The following WDR26 variants were observed in gnomAD, a reference collection of about 807,000 sequenced individuals.
The protein encoded by WDR26 is WD repeat domain 26.
A neutral mutation model predicts 84.1 loss-of-function variants in WDR26; 5 were observed. The observed-to-expected ratio is 0.06, with a 90% CI of 0.03 to 0.13. The LOEUF (loss-of-function observed/expected upper bound fraction) is 0.13, where lower values mean the gene tolerates loss of function less well. WDR26 is among the 10% of genes least tolerant of loss of function. The pLI, the probability that WDR26 is intolerant of heterozygous loss-of-function variation, is 1.00. For synonymous variants in WDR26, 415 were observed against 389.6 expected (o/e 1.07, Z -0.77); for missense variants, 642 against 974.9 (o/e 0.66, Z 4.55).
intron 13 of WDR26, among the ~76,000 whole-genome samples, chr1:224,390,358 A>T (rs899646221): frequency 5.9e-5 from 9 of 152,296 alleles, no homozygotes; most frequent in African/African-American, 1.7e-4. Flanking sequence ...GAGCTCAAGC[A>T]ATCTGCCTGC....
At chr1:224,407,146 AAAAAAATATAT>A (rs1673594135) in intron 7 of WDR26, among the ~76,000 whole-genome samples, 1 of 65,478 alleles carries the variant, frequency 1.5e-5, no homozygotes, top group Admixed American at 1.8e-4. Flanking sequence ...AAAAAAAAAA[AAAAAAATATAT>A]ATATATATAT....
At chr1:224,423,316 T>C (rs1196756682) in intron 4 of WDR26, among the ~76,000 whole-genome samples, 1 of 152,234 alleles carries the variant, frequency 6.6e-6, no homozygotes, top group East Asian at 1.9e-4. Flanking sequence ...TGTCCTATTC[T>C]TGATCACAAG....
At chr1:224,420,852 C>T (rs1349614111) in intron 4 of WDR26, among the ~76,000 whole-genome samples, 2 of 152,124 alleles carry the variant, frequency 1.3e-5, no homozygotes, top group Non-Finnish European at 2.9e-5. Context: ...CCCGCCTCGG[C>T]CTCCCAAAGT....
Position 224,401,689 on chromosome 1 carries a change from A to G in WDR26, c.1600-620T>C, listed in dbSNP as rs1673420649. Among the ~76,000 whole-genome samples, 78 of 111,638 alleles carry G rather than the reference A, an allele frequency of 7.0e-4. 2 individuals carry two copies. The highest frequency in any genetic ancestry group is 4.7e-3 in the East Asian group (21 of 4,502). 73.2% of individuals were successfully genotyped at this position (111,638 alleles called of 152,430 possible). A position where few individuals can be genotyped will look rare whatever the true frequency, so the allele number is the denominator to read the frequency against. ...ACTGTCTCAAAAAAAAAAAAAAAAA[A>G]GAAAAAAAAAAAGAAAAAAGAAAAA... On this transcript the variant is annotated intron_variant, in intron 8 of 13. Transcript: ENST00000414423.
chr1:224,397,276 C>A (rs1266651208), intron 12 of WDR26, among the ~76,000 whole-genome samples: 1 of 152,090 alleles, frequency 6.6e-6, no homozygotes, highest in Admixed American at 6.5e-5. Context: ...CAGGTGTAAG[C>A]CATCATGCCC....
At position 224,385,234 on chromosome 1, in the gene WDR26, T is replaced by G. The variant is rs1324013970; in HGVS notation, c.*4601A>C. ...GCGCACTGACATGGAAAAAGTGTCT[T>G]TAAAAAAAAATCCCAGTAAAGCAAA... On this transcript the variant is annotated 3_prime_UTR_variant, in exon 14 of 14. Coordinates refer to ENST00000414423, the MANE Select transcript of WDR26 (RefSeq NM_001379403.1). 6.6e-6 allele frequency: 1 copy of G among 152,164 alleles called. No individual in the cohort carries two copies. Among genetic ancestry groups the G allele is most frequent in the East Asian group, 1.9e-4 (1 of 5,206 alleles). 9.4% of individuals were successfully genotyped at this position (152,164 alleles called of 1,614,324 possible). A position where few individuals can be genotyped will look rare whatever the true frequency, so the allele number is the denominator to read the frequency against.
Position 224,401,019 on chromosome 1 carries a change from T to A in WDR26, c.1650A>T (p.Thr550=), listed in dbSNP as rs368279621. The A allele has an allele frequency of 8.1e-6, 13 of 1,614,096 alleles. No homozygotes were observed. Among genetic ancestry groups the A allele is most frequent in the Non-Finnish European group, 1.1e-5 (13 of 1,179,990 alleles). Residue 550 remains threonine, a synonymous_variant, in exon 9 of 14, where the codon ACA becomes ACT. Transcript: ENST00000414423. Reference sequence around the variant, plus strand: ...TCCCATCTGGATTCCAAGCCACACTTGTCAAACTGTCTTCATGAGACTGGC... The same window carrying A: ...TCCCATCTGGATTCCAAGCCACACTAGTCAAACTGTCTTCATGAGACTGGC...
At position 224,412,441 on chromosome 1, in the gene WDR26, C is replaced by T. The variant is rs541217920; in HGVS notation, c.1320-876G>A. Among the ~76,000 whole-genome samples, 17 of 152,288 alleles carry T rather than the reference C, an allele frequency of 1.1e-4. No homozygotes were observed. In the South Asian group the frequency reaches 2.9e-3, roughly 26 times the overall value. On this transcript the variant is annotated intron_variant, in intron 6 of 13. Transcript: ENST00000414423. Reference sequence around the variant, plus strand: ...AACAAAGATTAAGGTATCTGCCTTACAGAATTCCTTACCCAAGGATGAAAT... The same window carrying T: ...AACAAAGATTAAGGTATCTGCCTTATAGAATTCCTTACCCAAGGATGAAAT...
rs2102881159 is a variant in WDR26 at position 224,388,154 on chromosome 1, A to C, written c.*1681T>G. The C allele has an allele frequency of 6.6e-6, 1 of 152,260 alleles. No individual in the cohort carries two copies. Among genetic ancestry groups the C allele is most frequent in the Non-Finnish European group, 1.5e-5 (1 of 67,986 alleles). 9.4% of individuals were successfully genotyped at this position (152,260 alleles called of 1,614,324 possible). On this transcript the variant is annotated 3_prime_UTR_variant, in exon 14 of 14. Transcript: ENST00000414423. ...CTTCCCTGACTTTTCCCTTTCTCCC[A>C]TCCCCGACCACCTACCCCACAATGG...
chr1:224,396,748 C>A (rs1475427971), intron 12 of WDR26, among the ~76,000 whole-genome samples: 2 of 152,126 alleles, frequency 1.3e-5, no homozygotes, highest in African/African-American at 4.8e-5. Context: ...TGCTTGAGCT[C>A]AGGAATTCAA....
In WDR26 at chr1:224,419,543, T is replaced by C. The variant is rs151192141; in HGVS notation, c.1137A>G (p.Arg379=). The change falls in exon 5 of 14, where the codon CGA becomes CGG. Residue 379 remains arginine (R), a synonymous_variant. Transcript: ENST00000414423. ...TCTGAAGTTTATCCAATAGTTTAGA[T>C]CGGGAAGCTGTCCCTTTGCCTTCCC... 6.2e-7 allele frequency: 1 copy of C among 1,613,970 alleles called. No individual in the cohort carries two copies. Among genetic ancestry groups the C allele is most frequent in the African/African-American group, 1.3e-5 (1 of 75,054 alleles).
At chr1:224,391,671 C>A (rs1044307143) in intron 13 of WDR26, among the ~76,000 whole-genome samples, 5 of 152,072 alleles carry the variant, frequency 3.3e-5, no homozygotes, top group Non-Finnish European at 4.4e-5. Flanking sequence ...GGATTACAGG[C>A]GCAAGCCATC....
At chr1:224,390,888 A>G (rs1395531301) in intron 13 of WDR26, among the ~76,000 whole-genome samples, 1 of 152,220 alleles carries the variant, frequency 6.6e-6, no homozygotes, top group African/African-American at 2.4e-5. Flanking sequence ...AACATTCATT[A>G]GCAGTCAAAC....
chr1:224,433,618 CCCTA>C, intron 1 of WDR26, 62 bp downstream of exon 1: 1 of 1,096,296 alleles, frequency 9.1e-7, no homozygotes, highest in Non-Finnish European at 1.2e-6. Context: ...CCGCCCCTTC[CCCTA>C]CCCCCCTGGA....
chr1:224,394,062 T>C (rs1673193997), intron 12 of WDR26, 49 bp from the exon 13 acceptor site: 2 of 1,341,380 alleles, frequency 1.5e-6, no homozygotes, highest in East Asian at 2.4e-5. Flanking sequence ...TAAAACCAAC[T>C]AACTGATCTT....
chr1:224,411,352 A>T (rs1341402662), intron 7 of WDR26, 75 bp downstream of exon 7: 4 of 1,462,620 alleles, frequency 2.7e-6, no homozygotes, highest in Non-Finnish European at 3.6e-6. Context: ...ATATATACTT[A>T]AAAATATGTA....
At chr1:224,424,755 T>C (rs1329315183) in intron 3 of WDR26, 101 bp from the exon 4 acceptor site, 1 of 1,465,118 alleles carries the variant, frequency 6.8e-7, no homozygotes, top group Admixed American at 1.8e-5. Flanking sequence ...TACTATGCCC[T>C]TTGAAATAAC....
intron 7 of WDR26, among the ~76,000 whole-genome samples, chr1:224,408,737 C>T (rs1673652210): frequency 6.7e-6 from 1 of 150,282 alleles, no homozygotes; most frequent in Admixed American, 6.7e-5. Context: ...CGCAGTAAGA[C>T]TCTCAAGAGG....
intron 3 of WDR26, among the ~76,000 whole-genome samples, chr1:224,429,034 C>T (rs541914962): frequency 5.9e-5 from 9 of 152,004 alleles, no homozygotes; most frequent in South Asian, 4.2e-4. Context: ...AAGGCTGGGG[C>T]GGGCGGATCA....
Sources: gnomAD v4.1 joint callset for allele counts (sites outside exome capture counted in the v4.1 genomes callset) on GRCh38, gnomAD v4.1.1 for gene constraint, MANE v1.5 for transcripts, NCBI Gene and HGNC (gene_info 2026-07-23, HGNC 2026-07-21) for gene names.